DOCK1: variants seen among roughly 807,000 people sequenced by gnomAD.
DOCK1 encodes the protein dedicator of cytokinesis 1, also known as dedicator of cytokinesis protein 1.
A neutral mutation model predicts 262.7 loss-of-function variants in DOCK1; 138 were observed. That is an observed-to-expected ratio of 0.53 (90% confidence interval 0.46 to 0.61). The LOEUF (loss-of-function observed/expected upper bound fraction) is 0.61. Ranked by LOEUF, DOCK1 falls within the 20% of genes least tolerant of loss-of-function variation. The pLI is 0.00. For synonymous variants in DOCK1, 866 were observed against 867.4 expected (o/e 1.00, Z 0.03); for missense variants, 1,908 against 2,370.7 (o/e 0.80, Z 4.05).
intron 14 of DOCK1, 49 bp downstream of exon 14, chr10:127,023,373 C>G: frequency 6.2e-7 from 1 of 1,606,560 alleles, no homozygotes; most frequent in Non-Finnish European, 8.5e-7. Context: ...TTTTACTTGC[C>G]AAGTGCTCAC....
intron 6 of DOCK1, among the ~76,000 whole-genome samples, chr10:126,991,545 T>G (rs1035153745): frequency 2.0e-5 from 3 of 152,080 alleles, no homozygotes; most frequent in Non-Finnish European, 4.4e-5. Flanking sequence ...TTGTTTTTTT[T>G]TGAGATGGAG....
chr10:127,278,779 T>C (rs1344367024), intron 29 of DOCK1, among the ~76,000 whole-genome samples: 9 of 152,250 alleles, frequency 5.9e-5, no homozygotes, highest in African/African-American at 2.2e-4. Context: ...ACCCATGAGA[T>C]GCTCTCAGCA....
chr10:127,092,946 G>A (rs770991340), intron 23 of DOCK1, among the ~76,000 whole-genome samples: 9 of 152,116 alleles, frequency 5.9e-5, no homozygotes, highest in African/African-American at 2.2e-4. Flanking sequence ...CAATACAAAC[G>A]AGGGGCTTCA....
chr10:127,409,531 A>C, intron 42 of DOCK1, 140 bp downstream of exon 42: 1 of 838,650 alleles, frequency 1.2e-6, no homozygotes, highest in East Asian at 2.6e-5. Context: ...CTCTTTGAAG[A>C]GCAAGGGAAG....
intron 7 of DOCK1, 131 bp from the exon 8 acceptor site, chr10:126,997,961 T>C (rs2040328842): frequency 8.5e-7 from 1 of 1,172,738 alleles, no homozygotes; most frequent in Non-Finnish European, 1.2e-6. Flanking sequence ...GATAAGAAAG[T>C]GACTGCACCA....
At chr10:127,202,102 T>C in intron 27 of DOCK1, among the ~76,000 whole-genome samples, 1 of 152,106 alleles carries the variant, frequency 6.6e-6, no homozygotes, top group East Asian at 1.9e-4. Flanking sequence ...GCGGGCAGAT[T>C]GCTTGAGCTC....
chr10:126,974,140 G>A (rs2038327668), intron 2 of DOCK1, among the ~76,000 whole-genome samples: 1 of 152,094 alleles, frequency 6.6e-6, no homozygotes, highest in Admixed American at 6.6e-5. Flanking sequence ...CCTCCAGATA[G>A]GAGAGGTGAG....
Position 127,392,436 on chromosome 10 carries a change from A to G in DOCK1, c.3927+7527A>G, listed in dbSNP as rs557055324. 2.0e-5 allele frequency among the ~76,000 whole-genome samples: 3 copies of G among 152,080 alleles called. No individual in the cohort carries two copies. The South Asian group carries it at 6.2e-4, about 32-fold the overall frequency. ...TGTGCCGTGGCCTGGGCTCCACTCC[A>G]TTTTTTTAAATAGCTTTTTAAGAGT... On this transcript the variant is annotated intron_variant, in intron 38 of 51. Transcript: ENST00000623213.
intron 4 of DOCK1, among the ~76,000 whole-genome samples, chr10:126,985,049 C>T (rs778477670): frequency 1.4e-5 from 2 of 148,086 alleles, no homozygotes; most frequent in Non-Finnish European, 3.0e-5. Context: ...AGCATGATCT[C>T]CGCTCACTGC....
rs973403565 is a variant in DOCK1 at position 127,175,545 on chromosome 10, G to C, written c.2847+47781G>C. 1.9e-6 allele frequency: 3 copies of C among 1,611,110 alleles called. No homozygotes were observed. Among genetic ancestry groups the C allele is most frequent in the African/African-American group, 2.7e-5 (2 of 75,042 alleles). ...TGTGGCTCTCCTCCGCTCGTCATCT[G>C]CCGGGCAGAGTGACCACTGGCTGGC... On this transcript the variant is annotated intron_variant, in intron 27 of 51. Transcript: ENST00000623213. The surrounding 1 kb of genome is among the most constrained non-coding windows in gnomAD (Gnocchi z 6.3).
intron 23 of DOCK1, among the ~76,000 whole-genome samples, chr10:127,066,496 G>A (rs557633168): frequency 2.3e-4 from 35 of 152,284 alleles, no homozygotes; most frequent in African/African-American, 7.0e-4. Flanking sequence ...TCAGCTGCCA[G>A]GAGAAATGGG....
chr10:127,190,411 C>T (rs1001888472), intron 27 of DOCK1, among the ~76,000 whole-genome samples: 5 of 152,124 alleles, frequency 3.3e-5, no homozygotes, highest in Admixed American at 6.6e-5. Context: ...ATCAGGATTC[C>T]CTGAGTTGGT....
At chr10:127,172,860 G>A (rs540364195) in intron 27 of DOCK1, among the ~76,000 whole-genome samples, 62 of 152,296 alleles carry the variant, frequency 4.1e-4, no homozygotes, top group African/African-American at 1.3e-3. Flanking sequence ...ATGACATTTC[G>A]TGATGATGGA....
chr10:127,167,637 C>A (rs1025426935), intron 27 of DOCK1, among the ~76,000 whole-genome samples: 6 of 152,092 alleles, frequency 3.9e-5, no homozygotes, highest in Non-Finnish European at 8.8e-5. Context: ...GGACCATGTT[C>A]CTTTCATATC....
At chr10:127,156,251 C>G (rs2053034169) in intron 27 of DOCK1, among the ~76,000 whole-genome samples, 2 of 152,144 alleles carry the variant, frequency 1.3e-5, no homozygotes, top group South Asian at 4.2e-4. Flanking sequence ...TTATGCTAGC[C>G]CCACTTACAG....
In DOCK1 at chr10:127,418,644, A is replaced by G. The variant is rs1400382678; in HGVS notation, c.4692+103A>G. The G allele has an allele frequency of 3.6e-6, 5 of 1,375,108 alleles. No individual in the cohort carries two copies. The East Asian group carries it at 1.0e-4, about 28-fold the overall frequency. The allele number at this position is 1,375,108 out of a possible 1,614,324, so 85.2% of individuals were successfully genotyped here. ...CCCAGAAACGCCCCTGGTCTCATTG[A>G]GCAATCTCAGCAGTGGCCCAGCCAA... On this transcript the variant is annotated intron_variant, in intron 45 of 51. Transcript: ENST00000623213.
intron 11 of DOCK1, among the ~76,000 whole-genome samples, chr10:127,009,539 G>T (rs563932004): frequency 6.6e-6 from 1 of 152,236 alleles, no homozygotes; most frequent in Admixed American, 6.5e-5. Context: ...AAGGAATCCA[G>T]ATGGTTGAGG....
At chr10:127,042,030 CCTT>C (rs1296758136) in intron 19 of DOCK1, among the ~76,000 whole-genome samples, 5 of 152,286 alleles carry the variant, frequency 3.3e-5, no homozygotes, top group African/African-American at 9.6e-5. Context: ...GATGCTTTGT[CCTT>C]CTTTGCAGTA....
intron 23 of DOCK1, among the ~76,000 whole-genome samples, chr10:127,075,050 T>C (rs1270877953): frequency 6.6e-6 from 1 of 151,626 alleles, no homozygotes; most frequent in Non-Finnish European, 1.5e-5. Context: ...ATGCCTGTAG[T>C]CCCAGCTACT....
Sources: gnomAD v4.1 joint callset for allele counts (sites outside exome capture counted in the v4.1 genomes callset) on GRCh38, gnomAD v4.1.1 for gene constraint, Gnocchi (gnomAD v3.1) non-coding constraint, MANE v1.5 for transcripts, NCBI Gene and HGNC (gene_info 2026-07-23, HGNC 2026-07-21) for gene names.